The following OSBP2 variants were observed in gnomAD, a reference collection of about 807,000 sequenced individuals.
The protein encoded by OSBP2 is oxysterol-binding protein 2.
OSBP2 carries 66 observed loss-of-function variants against 96.0 expected under a neutral mutation model. The observed-to-expected ratio is 0.69, with a 90% CI of 0.56 to 0.84. The LOEUF is 0.84. Among genes scored for constraint, OSBP2 ranks in the 40% least tolerant of loss-of-function variants. The pLI is 0.00. For synonymous variants in OSBP2, 525 were observed against 520.9 expected, an observed-to-expected ratio of 1.01 and a Z score of -0.11; for missense variants, 1,038 against 1,222.7, an observed-to-expected ratio of 0.85 and a Z score of 2.25.
intron 2 of OSBP2, among the ~76,000 whole-genome samples, chr22:30,749,469 T>A (rs552681365): frequency 2.6e-5 from 4 of 152,214 alleles, no homozygotes; most frequent in Non-Finnish European, 5.9e-5. Context: ...CTGGTTAGGA[T>A]GCTTCTGACA....
At chr22:30,726,357 A>G (rs930475788) in intron 1 of OSBP2, among the ~76,000 whole-genome samples, 2 of 152,206 alleles carry the variant, frequency 1.3e-5, no homozygotes, top group African/African-American at 4.8e-5. Context: ...GCTGGAAGCT[A>G]TCATTCTCAG....
chr22:30,731,130 C>T (rs542408842), intron 1 of OSBP2, among the ~76,000 whole-genome samples: 57 of 151,728 alleles, frequency 3.8e-4, no homozygotes, highest in African/African-American at 1.2e-3. Context: ...GCCGAGATCG[C>T]GCCACTGCAC....
chr22:30,699,375 C>T (rs796358181), intron 1 of OSBP2, among the ~76,000 whole-genome samples: 5 of 152,228 alleles, frequency 3.3e-5, no homozygotes, highest in African/African-American at 1.2e-4. Context: ...ATGCATTTTC[C>T]TGATGATGGG....
intron 2 of OSBP2, among the ~76,000 whole-genome samples, chr22:30,761,857 CA>C (rs1413350856): frequency 1.3e-5 from 2 of 152,128 alleles, no homozygotes; most frequent in African/African-American, 4.8e-5. Context: ...GTCTTTTCAA[CA>C]AGTAGTGTTG....
chr22:30,906,021 C>T lies in OSBP2; in HGVS notation c.2560C>T (p.Arg854Trp), dbSNP rs777458054. 41 of 1,571,714 alleles carry T rather than the reference C, an allele frequency of 2.6e-5. No individual in the cohort carries two copies. Among genetic ancestry groups the T allele is most frequent in the South Asian group, 4.6e-5 (4 of 87,260 alleles). Residue 854 changes from arginine to tryptophan, a missense_variant, in exon 13 of 14, where the codon CGG (arginine) becomes TGG (tryptophan). Arg to Trp is a moderately radical substitution (Grantham distance 101). Around this residue, in one of 3 missense-constraint regions of OSBP2, gnomAD observed 737 missense variants for 913.3 expected, o/e 0.81. Transcript: ENST00000332585. ...LEEKQRLSRRRRLEACGPGSS... is the reference protein window; with the variant it reads ...LEEKQRLSRRWRLEACGPGSS... Reference sequence around the variant, plus strand: ...GGAGAAGCAGCGCCTGTCGCGGCGCCGGCGGCTGGAGGCCTGCGGGCCGGG... The same window carrying T: ...GGAGAAGCAGCGCCTGTCGCGGCGCTGGCGGCTGGAGGCCTGCGGGCCGGG...
chr22:30,900,149 G>A (rs1029612363), intron 12 of OSBP2, among the ~76,000 whole-genome samples: 6 of 152,022 alleles, frequency 3.9e-5, no homozygotes, highest in African/African-American at 1.2e-4. Flanking sequence ...AGCTACTTTG[G>A]AGGCTGAGGC....
intron 2 of OSBP2, among the ~76,000 whole-genome samples, chr22:30,837,045 G>C (rs2038649097): frequency 6.6e-6 from 1 of 152,100 alleles, no homozygotes; most frequent in Admixed American, 6.5e-5. Context: ...GAGCCCAGGA[G>C]TTCAATACTA....
intron 2 of OSBP2, among the ~76,000 whole-genome samples, chr22:30,752,740 A>G (rs136345): frequency 0.68 from 103,023 of 151,922 alleles, 35,569 homozygotes; most frequent in African/African-American, 0.81. Flanking sequence ...AGATTCTCTA[A>G]AGAACATAGA....
At chr22:30,798,099 T>C (rs932323476) in intron 2 of OSBP2, among the ~76,000 whole-genome samples, 1 of 152,190 alleles carries the variant, frequency 6.6e-6, no homozygotes, top group Admixed American at 6.5e-5. Flanking sequence ...CACTTGTTAT[T>C]TTCAGTTTTT....
rs925753110 is a variant in OSBP2, at chr22:30,746,421, C to T, written c.853+5052C>T. 1.7e-4 allele frequency among the ~76,000 whole-genome samples: 25 copies of T among 146,666 alleles called. 4 individuals carry two copies. The highest frequency in any genetic ancestry group is 1.5e-3 in the Admixed American group (22 of 14,724). On this transcript the variant is annotated intron_variant, in intron 2 of 13. Coordinates refer to ENST00000332585, the MANE Select transcript of OSBP2 (RefSeq NM_030758.4). ...CCTGAGCAGTGGAGTGAGACCCTGT[C>T]TCAAAAAAAAAATTATACCAATTCT...
rs1455216214 is a variant in OSBP2 at position 30,741,238 on chromosome 22, G to C, written c.722G>C (p.Cys241Ser). The change falls in exon 2 of 14, where the codon TGT becomes TCT. Residue 241 changes from cysteine (C) to serine (S), a missense_variant. By Grantham distance (112) the Cys-to-Ser change is moderately radical. Coordinates refer to ENST00000332585, the MANE Select transcript of OSBP2 (RefSeq NM_030758.4). ...GCGCACATTGACACGGAGGACTCTT[G>C]TGGTATCTTGCTGACCAGTGGGGCC... is the stretch of plus-strand genomic sequence containing the variant. ...STAHIDTEDS[C>S]GILLTSGARS... The C allele has an allele frequency of 6.2e-7, 1 of 1,614,132 alleles. No homozygotes were observed.
chr22:30,844,334 G>A (rs916491393), intron 2 of OSBP2: 4 of 152,264 alleles, frequency 2.6e-5, no homozygotes, highest in Non-Finnish European at 5.9e-5. Flanking sequence ...AGCCCTAGAT[G>A]ACATCTTCTT....
At chr22:30,887,720 CAT>C in intron 4 of OSBP2, 102 bp downstream of exon 4, 1 of 1,071,682 alleles carries the variant, frequency 9.3e-7, no homozygotes, top group South Asian at 1.6e-5. Flanking sequence ...GCTGTGCCCA[CAT>C]GTGGGCTGGC....
In OSBP2 at chr22:30,907,721, G is replaced by A. The variant is rs8004; in HGVS notation, c.*1382G>A. On this transcript the variant is annotated 3_prime_UTR_variant, in exon 14 of 14. Transcript: ENST00000332585. Reference sequence around the variant, plus strand: ...CGGGGTGGGGCAGGATGGCCCCACTGGGGCTCCTACAGAGCTGTGGAATGT... The same window carrying A: ...CGGGGTGGGGCAGGATGGCCCCACTAGGGCTCCTACAGAGCTGTGGAATGT... The A allele has an allele frequency of 0.37, 55,749 of 152,316 alleles. 10,734 individuals are homozygous for A. Among genetic ancestry groups the A allele is most frequent in the East Asian group, 0.67 (3,435 of 5,138 alleles). The allele number at this position is 152,316 out of a possible 1,614,324, so 9.4% of individuals were successfully genotyped here. A position where few individuals can be genotyped will look rare whatever the true frequency, so the allele number is the denominator to read the frequency against.
chr22:30,861,482 C>T (rs751872079), intron 2 of OSBP2, among the ~76,000 whole-genome samples: 6 of 152,164 alleles, frequency 3.9e-5, no homozygotes, highest in African/African-American at 1.2e-4. Context: ...GGAGAGGCCC[C>T]GAGAACTGAG....
intron 2 of OSBP2, among the ~76,000 whole-genome samples, chr22:30,839,835 T>C (rs1412057792): frequency 1.3e-5 from 2 of 152,142 alleles, no homozygotes; most frequent in Non-Finnish European, 2.9e-5. Flanking sequence ...GTGCAGAAGC[T>C]CTTTAGTTTA....
intron 2 of OSBP2, among the ~76,000 whole-genome samples, chr22:30,806,994 A>G (rs1361330868): frequency 6.6e-6 from 1 of 152,196 alleles, no homozygotes; most frequent in Non-Finnish European, 1.5e-5. Context: ...AAAAGATGCA[A>G]TTGTTGCCCA....
In OSBP2 at chr22:30,707,317, G is replaced by T. The variant is rs2089270197; in HGVS notation, c.644+11764G>T. 2.0e-5 allele frequency among the ~76,000 whole-genome samples: 3 copies of T among 152,112 alleles called. No homozygotes were observed. The South Asian group carries it at 6.2e-4, about 32-fold the overall frequency. ...TCACCATATTGGCCAGGATGGTCTTGATCTCCTGACCTCAAGTGATCCACC... is the reference window on the plus strand; with the variant it reads ...TCACCATATTGGCCAGGATGGTCTTTATCTCCTGACCTCAAGTGATCCACC... On this transcript the variant is annotated intron_variant, in intron 1 of 13. Transcript: ENST00000332585.
intron 2 of OSBP2, among the ~76,000 whole-genome samples, chr22:30,829,536 G>A (rs569812554): frequency 3.9e-5 from 6 of 152,146 alleles, no homozygotes; most frequent in Admixed American, 1.3e-4. Flanking sequence ...CAAATGGTCT[G>A]CCTGCCAAAG....
Sources: gnomAD v4.1 joint callset for allele counts (sites outside exome capture counted in the v4.1 genomes callset) on GRCh38, gnomAD v4.1.1 for gene constraint, gnomAD v4.1.1 regional missense constraint, MANE v1.5 for transcripts, NCBI Gene and HGNC (gene_info 2026-07-23, HGNC 2026-07-21) for gene names.